SGPL1: variants seen among roughly 807,000 people sequenced by gnomAD.
SGPL1 encodes the protein SP-lyase 1.
A neutral mutation model predicts 68.9 loss-of-function variants in SGPL1; 37 were observed. The ratio of observed to expected loss-of-function variants is 0.54; its 90% CI spans 0.41 to 0.71. SGPL1 has a LOEUF of 0.71. SGPL1 is among the 30% of genes least tolerant of loss of function. SGPL1 has a pLI of 0.00. For synonymous variants in SGPL1, 236 were observed against 248.5 expected (o/e 0.95, Z 0.47); for missense variants, 551 against 704.6 (o/e 0.78, Z 2.47).
intron 2 of SGPL1, among the ~76,000 whole-genome samples, chr10:70,838,773 T>C (rs1845669574): frequency 6.6e-6 from 1 of 152,218 alleles, no homozygotes; most frequent in South Asian, 2.1e-4. Context: ...GAAATGTGAG[T>C]ACATTACAAG....
chr10:70,869,986 T>C (rs551711773), intron 9 of SGPL1, 89 bp downstream of exon 9: 43 of 975,444 alleles, frequency 4.4e-5, no homozygotes, highest in Admixed American at 3.2e-4. Flanking sequence ...GTCAGATGGG[T>C]CTGACTGCCT....
intron 2 of SGPL1, among the ~76,000 whole-genome samples, chr10:70,824,983 T>TG (rs71012248): frequency 1.3e-5 from 2 of 151,134 alleles, no homozygotes; most frequent in East Asian, 1.9e-4. Context: ...TTTTTTTTTT[T>TG]GAGACAAGTC....
intron 4 of SGPL1, among the ~76,000 whole-genome samples, chr10:70,854,019 TC>T: frequency 1.3e-5 from 2 of 152,306 alleles, no homozygotes; most frequent in Middle Eastern, 6.8e-3. Flanking sequence ...TACCTTTGAT[TC>T]TTTTACACAC....
intron 4 of SGPL1, among the ~76,000 whole-genome samples, chr10:70,854,397 A>C (rs753111880): frequency 6.6e-6 from 1 of 151,930 alleles, no homozygotes; most frequent in Non-Finnish European, 1.5e-5. Context: ...CTGGTCTCGA[A>C]CTCCTGACCT....
chr10:70,869,263 A>G (rs1846247374), intron 8 of SGPL1: 2 of 152,376 alleles, frequency 1.3e-5, no homozygotes, highest in African/African-American at 2.4e-5. Flanking sequence ...ACTATTTGAA[A>G]TACTATTTCC....
intron 7 of SGPL1, among the ~76,000 whole-genome samples, chr10:70,865,639 CA>C (rs1846172525): frequency 6.6e-6 from 1 of 152,188 alleles, no homozygotes; most frequent in Non-Finnish European, 1.5e-5. Flanking sequence ...AAGATAAAAC[CA>C]AATGGCTGGG....
chr10:70,875,123 T>A (rs1423659201), intron 12 of SGPL1, among the ~76,000 whole-genome samples: 1 of 152,200 alleles, frequency 6.6e-6, no homozygotes, highest in Non-Finnish European at 1.5e-5. Flanking sequence ...AATTGGGAGT[T>A]GGGTAGACAG....
At chr10:70,825,005 C>T (rs1287022177) in intron 2 of SGPL1, among the ~76,000 whole-genome samples, 2 of 148,466 alleles carry the variant, frequency 1.3e-5, no homozygotes, top group African/African-American at 5.0e-5. Flanking sequence ...TGCTCTGTCG[C>T]CCAGGCTAGA....
At chr10:70,847,639 C>T (rs971905936) in intron 3 of SGPL1, among the ~76,000 whole-genome samples, 1 of 152,056 alleles carries the variant, frequency 6.6e-6, no homozygotes, top group Non-Finnish European at 1.5e-5. Context: ...AAAAAAAAAT[C>T]GTCAAATGTT....
intron 7 of SGPL1, among the ~76,000 whole-genome samples, chr10:70,863,945 T>G (rs889321282): frequency 6.6e-6 from 1 of 152,202 alleles, no homozygotes; most frequent in Non-Finnish European, 1.5e-5. Context: ...GTTTGAAGTC[T>G]GAAGGGTCTG....
intron 2 of SGPL1, among the ~76,000 whole-genome samples, chr10:70,819,990 T>C (rs1322889506): frequency 6.6e-6 from 1 of 152,086 alleles, no homozygotes; most frequent in African/African-American, 2.4e-5. Flanking sequence ...CTCTGGTAAA[T>C]GGATATCCAG....
intron 2 of SGPL1, among the ~76,000 whole-genome samples, chr10:70,823,419 A>C (rs926709175): frequency 6.6e-6 from 1 of 151,934 alleles, no homozygotes; most frequent in African/African-American, 2.4e-5. Flanking sequence ...TTATAATTAC[A>C]CAGTAATTAT....
At chr10:70,875,788 G>A (rs1397617366) in intron 13 of SGPL1, among the ~76,000 whole-genome samples, 1 of 152,206 alleles carries the variant, frequency 6.6e-6, no homozygotes, top group African/African-American at 2.4e-5. Context: ...TGGTCATGAG[G>A]TTTTTCTCTC....
intron 7 of SGPL1, among the ~76,000 whole-genome samples, chr10:70,863,992 C>T (rs967024691): frequency 1.3e-5 from 2 of 152,222 alleles, no homozygotes; most frequent in East Asian, 3.9e-4. Context: ...TTGCCACTCA[C>T]TTATCTTGCA....
At chr10:70,835,520 G>A (rs546428815) in intron 2 of SGPL1, among the ~76,000 whole-genome samples, 9 of 150,484 alleles carry the variant, frequency 6.0e-5, no homozygotes, top group African/African-American at 1.7e-4. Flanking sequence ...GGTGGATCAC[G>A]AGGCAGGAGA....
chr10:70,844,667 A>G (rs1845764801), intron 3 of SGPL1, 29 bp downstream of exon 3: 2 of 1,599,412 alleles, frequency 1.3e-6, no homozygotes, highest in Non-Finnish European at 1.7e-6. Flanking sequence ...CTGTAAAGGT[A>G]TAGTGGTGTG....
At chr10:70,837,329 C>G (rs777446801) in intron 2 of SGPL1, among the ~76,000 whole-genome samples, 10 of 152,070 alleles carry the variant, frequency 6.6e-5, no homozygotes, top group Admixed American at 6.6e-4. Context: ...CTACCCACCT[C>G]GGCCTCCCAG....
intron 5 of SGPL1, among the ~76,000 whole-genome samples, chr10:70,856,842 C>T (rs1845972580): frequency 6.6e-6 from 1 of 152,114 alleles, no homozygotes; most frequent in African/African-American, 2.4e-5. Context: ...CCTGAGACAC[C>T]CATATCAACA....
At chr10:70,828,463 G>A (rs565492389) in intron 2 of SGPL1, among the ~76,000 whole-genome samples, 4 of 152,246 alleles carry the variant, frequency 2.6e-5, no homozygotes, top group African/African-American at 7.2e-5. Context: ...AAAGTGCTGC[G>A]ATTATGGGTG....
Sources: allele counts gnomAD v4.1 joint callset (sites outside exome capture counted in the v4.1 genomes callset), GRCh38; gene constraint gnomAD v4.1.1; transcripts MANE v1.5; gene names NCBI Gene and HGNC (gene_info 2026-07-23, HGNC 2026-07-21).